FSIP1: variants seen among roughly 807,000 people sequenced by gnomAD.
FSIP1 encodes fibrous sheath-interacting protein 1.
Under a neutral mutation model 60.9 loss-of-function variants are expected in FSIP1, and 65 were observed. That is an observed-to-expected ratio of 1.07 (90% CI 0.87 to 1.31). The LOEUF is 1.31. FSIP1 is among the 40% of genes most tolerant of loss of function. The pLI is 0.00. For synonymous variants in FSIP1, 209 were observed against 221.2 expected (o/e 0.94, Z 0.49); for missense variants, 675 against 665.5 (o/e 1.01, Z -0.16).
intron 6 of FSIP1, among the ~76,000 whole-genome samples, chr15:39,741,265 T>C (rs1314160302): frequency 2.0e-5 from 3 of 152,190 alleles, no homozygotes; most frequent in Non-Finnish European, 2.9e-5. Context: ...ACACATTGGG[T>C]TATCTGGCCA....
chr15:39,675,713 T>C (rs1893910163), intron 10 of FSIP1, among the ~76,000 whole-genome samples: 1 of 152,132 alleles, frequency 6.6e-6, no homozygotes, highest in African/African-American at 2.4e-5. Context: ...TAAAAACTGA[T>C]CTTAAAAGTA....
chr15:39,680,627 C>G (rs1422363489), intron 10 of FSIP1, among the ~76,000 whole-genome samples: 2 of 152,186 alleles, frequency 1.3e-5, no homozygotes, highest in Non-Finnish European at 2.9e-5. Flanking sequence ...GTACAAGGAG[C>G]CTGGGTCCTT....
chr15:39,739,641 G>T (rs749180635), intron 7 of FSIP1, 24 bp downstream of exon 7: 13 of 1,574,374 alleles, frequency 8.3e-6, no homozygotes, highest in Admixed American at 2.1e-5. Flanking sequence ...CCAAATTCTG[G>T]CTTCTGAATT....
chr15:39,697,612 C>T (rs998943351), intron 10 of FSIP1, among the ~76,000 whole-genome samples: 7 of 152,140 alleles, frequency 4.6e-5, no homozygotes, highest in African/African-American at 1.4e-4. Flanking sequence ...CGTCTTCGCT[C>T]GTCACTCCCA....
intron 10 of FSIP1, among the ~76,000 whole-genome samples, chr15:39,619,821 T>C (rs1274140605): frequency 6.6e-6 from 1 of 151,998 alleles, no homozygotes; most frequent in Non-Finnish European, 1.5e-5. Flanking sequence ...CCAAACATCC[T>C]CATCAAAGCC....
At chr15:39,672,615 T>C (rs1391421178) in intron 10 of FSIP1, among the ~76,000 whole-genome samples, 3 of 152,174 alleles carry the variant, frequency 2.0e-5, no homozygotes, top group Non-Finnish European at 2.9e-5. Context: ...ATTAATTATA[T>C]TTGATGGCGA....
chr15:39,697,982 G>A (rs1285603959), intron 10 of FSIP1, among the ~76,000 whole-genome samples: 1 of 151,474 alleles, frequency 6.6e-6, no homozygotes, highest in East Asian at 1.9e-4. Flanking sequence ...TAGAATGTTG[G>A]GGAAATGTTT....
At chr15:39,768,727 T>C (rs1897775007) in intron 3 of FSIP1, among the ~76,000 whole-genome samples, 1 of 152,242 alleles carries the variant, frequency 6.6e-6, no homozygotes, top group Non-Finnish European at 1.5e-5. Flanking sequence ...AATTGGACAG[T>C]CTTCTTTGAT....
intron 11 of FSIP1, 111 bp downstream of exon 11, chr15:39,617,624 C>G: frequency 1.1e-6 from 1 of 875,804 alleles, no homozygotes; most frequent in East Asian, 2.5e-5. Flanking sequence ...TTGACGCTAC[C>G]TGTGACTTAC....
intron 9 of FSIP1, among the ~76,000 whole-genome samples, chr15:39,721,967 C>T (rs74008683): frequency 0.12 from 18,077 of 152,120 alleles, 1,314 homozygotes; most frequent in African/African-American, 0.2. Context: ...AGGTCAGGGG[C>T]TCCTGACCCC....
At chr15:39,780,175 A>G (rs1190253248) in intron 1 of FSIP1, among the ~76,000 whole-genome samples, 1 of 152,158 alleles carries the variant, frequency 6.6e-6, no homozygotes, top group Non-Finnish European at 1.5e-5. Flanking sequence ...CTCCTCCCCA[A>G]CGCAGACACA....
At chr15:39,624,030 T>A (rs1218398915) in intron 10 of FSIP1, among the ~76,000 whole-genome samples, 1 of 152,200 alleles carries the variant, frequency 6.6e-6, no homozygotes, top group Non-Finnish European at 1.5e-5. Flanking sequence ...TCAAGCAAGA[T>A]AACCTGGTTG....
At chr15:39,641,513 G>C (rs909593438) in intron 10 of FSIP1, among the ~76,000 whole-genome samples, 1 of 152,144 alleles carries the variant, frequency 6.6e-6, no homozygotes, top group Non-Finnish European at 1.5e-5. Context: ...AATTAACAGG[G>C]TTTATGGTAT....
chr15:39,656,541 C>G (rs1477751682), intron 10 of FSIP1, among the ~76,000 whole-genome samples: 1 of 152,200 alleles, frequency 6.6e-6, no homozygotes, highest in Non-Finnish European at 1.5e-5. Flanking sequence ...CTGCCACTTA[C>G]TAGCTGGAGA....
At chr15:39,719,221 GTAC>G (rs1262800321) in intron 9 of FSIP1, among the ~76,000 whole-genome samples, 2 of 152,156 alleles carry the variant, frequency 1.3e-5, no homozygotes. Flanking sequence ...GTGCCAACCA[GTAC>G]TATCTGTCCT....
intron 10 of FSIP1, among the ~76,000 whole-genome samples, chr15:39,652,689 CT>C (rs1198140380): frequency 6.6e-6 from 1 of 152,140 alleles, no homozygotes; most frequent in Non-Finnish European, 1.5e-5. Flanking sequence ...CTAAGTCTTT[CT>C]TATTTCATTT....
intron 10 of FSIP1, among the ~76,000 whole-genome samples, chr15:39,633,091 C>CTTTTTTTTTTTTTTTTTTTTTTTTT (rs869063502): frequency 4.4e-5 from 5 of 112,888 alleles, no homozygotes; most frequent in African/African-American, 1.8e-4. Flanking sequence ...GGCTATACTT[C>CTTTTTTTTTTTTTTTTTTTTTTTTT]TTTTTTTTTT....
At chr15:39,601,603 G>A (rs533460286) in intron 11 of FSIP1, among the ~76,000 whole-genome samples, 285 of 152,238 alleles carry the variant, frequency 1.9e-3, no homozygotes, top group Non-Finnish European at 3.3e-3. Flanking sequence ...GTACACAAGC[G>A]TTCATATCAA....
intron 10 of FSIP1, among the ~76,000 whole-genome samples, chr15:39,627,304 C>A (rs1891682051): frequency 1.3e-5 from 2 of 152,240 alleles, no homozygotes; most frequent in African/African-American, 4.8e-5. Context: ...ACTTCTGATG[C>A]CACTGCCATG....
Sources: gnomAD v4.1 joint callset for allele counts (sites outside exome capture counted in the v4.1 genomes callset) on GRCh38, gnomAD v4.1.1 for gene constraint, MANE v1.5 for transcripts, NCBI Gene and HGNC (gene_info 2026-07-23, HGNC 2026-07-21) for gene names.